The following TMEM176A variants were observed in gnomAD, a reference collection of about 807,000 sequenced individuals.
TMEM176A encodes the protein hepatocellular carcinoma-associated antigen 112.
TMEM176A carries 20 observed loss-of-function variants against 27.9 expected under a neutral mutation model. The observed-to-expected ratio is 0.72, with a 90% CI of 0.50 to 1.04. The LOEUF is 1.04. Among genes scored for constraint, TMEM176A ranks in the 50% least tolerant of loss-of-function variants. The pLI is 0.00. For missense variants in TMEM176A, 252 were observed against 289.1 expected (o/e 0.87, Z 0.93); for synonymous variants, 125 against 118.0 (o/e 1.06, Z -0.38).
chr7:150,801,479 T>C (rs1195710300), intron 1 of TMEM176A, 57 bp from the exon 2 acceptor site: 2 of 1,526,684 alleles, frequency 1.3e-6, no homozygotes, highest in South Asian at 1.3e-5. Flanking sequence ...CCAACTCCAA[T>C]GAAATCTGCG....
chr7:150,800,950 G>C, intron 1 of TMEM176A, 122 bp downstream of exon 1: 1 of 985,950 alleles, frequency 1.0e-6, no homozygotes, highest in Non-Finnish European at 1.2e-6. Context: ...TCCAGGAAGG[G>C]GACTGCAGAG....
In TMEM176A at chr7:150,803,802, C is replaced by T. The variant is rs1401698764; in HGVS notation, c.525C>T (p.His175=). ...GTCCAGAAGAAGTCAGAAGGCTACACCTATGTACCTCCTTCATGGACATGC... is the reference window on the plus strand; with the variant it reads ...GTCCAGAAGAAGTCAGAAGGCTACATCTATGTACCTCCTTCATGGACATGC... ...TQSPEEVRRL[H]LCTSFMDMLK... Residue 175 remains histidine (H), a synonymous_variant, in exon 5 of 7, where the codon CAC becomes CAT. Coordinates refer to ENST00000004103, the MANE Select transcript of TMEM176A (RefSeq NM_018487.3). 4 of 1,614,048 alleles carry T rather than the reference C, an allele frequency of 2.5e-6. No homozygotes were observed. The highest frequency in any genetic ancestry group is 1.6e-4 in the Middle Eastern group (1 of 6,072).
intron 2 of TMEM176A, 36 bp from the exon 3 acceptor site, chr7:150,802,179 C>A (rs12668797): frequency 0.44 from 705,598 of 1,591,064 alleles, 162,210 homozygotes; most frequent in Middle Eastern, 0.51. Context: ...GGCAGGTCCA[C>A]CTAGGAGCCG....
At position 150,804,907 on chromosome 7, in the gene TMEM176A, ACCGG is replaced by A; in HGVS notation, c.*40_*43del. On this transcript the variant is annotated 3_prime_UTR_variant, in exon 7 of 7. Transcript: ENST00000004103. ...GATTATTAGTGCCTGGTGCTTCTGCACCGGGCGTCCCTGCATCTGACTGCTGGAA... is the reference window on the plus strand; with the variant it reads ...GATTATTAGTGCCTGGTGCTTCTGCAGCGTCCCTGCATCTGACTGCTGGAA... 1 of 1,609,792 alleles carries A rather than the reference ACCGG, an allele frequency of 6.2e-7. No homozygotes were observed. The highest frequency in any genetic ancestry group is 1.3e-5 in the African/African-American group (1 of 74,950).
At chr7:150,804,613 C>T in intron 6 of TMEM176A, 141 bp downstream of exon 6, 1 of 894,824 alleles carries the variant, frequency 1.1e-6, no homozygotes. Context: ...TCTTTCTACC[C>T]AGTGGTGGCC....
rs749394608 is a variant in TMEM176A at position 150,804,372 on chromosome 7, G to C, written c.566G>C (p.Arg189Thr). The C allele has an allele frequency of 1.9e-6, 3 of 1,614,152 alleles. No individual in the cohort carries two copies. The highest frequency in any genetic ancestry group is 3.3e-5 in the Admixed American group (2 of 60,028). The part of the protein sequence containing the change: ...SFMDMLKALF[R>T]TLQAMLLGVW... ...GCCCTCTGTCCCCAGGCCTTGTTCA[G>C]AACCCTTCAGGCCATGCTCTTGGGT... Residue 189 changes from arginine (R) to threonine (T), a missense_variant, in exon 6 of 7, where the codon AGA becomes ACA. Arg to Thr is a moderately conservative substitution (Grantham distance 71, BLOSUM62 -1). Coordinates refer to ENST00000004103, the MANE Select transcript of TMEM176A (RefSeq NM_018487.3).
intron 1 of TMEM176A, 114 bp downstream of exon 1, chr7:150,800,942 C>T (rs905483836): frequency 2.3e-5 from 23 of 985,730 alleles, no homozygotes; most frequent in Non-Finnish European, 2.8e-5. Context: ...GATGACACTC[C>T]AGGAAGGGGA....
At chr7:150,803,892 G>A in intron 5 of TMEM176A, 60 bp downstream of exon 5, 2 of 1,530,094 alleles carry the variant, frequency 1.3e-6, no homozygotes, top group Non-Finnish European at 1.8e-6. Context: ...GGCCAGGCCA[G>A]GGGCAAGAGT....
rs759843218 is a variant in TMEM176A, at chr7:150,804,910, G to A, written c.*42G>A. On this transcript the variant is annotated 3_prime_UTR_variant, in exon 7 of 7. Coordinates refer to ENST00000004103, the MANE Select transcript of TMEM176A (RefSeq NM_018487.3). ...TATTAGTGCCTGGTGCTTCTGCACC[G>A]GGCGTCCCTGCATCTGACTGCTGGA... is the stretch of plus-strand genomic sequence containing the variant. The A allele has an allele frequency of 2.7e-5, 43 of 1,593,868 alleles. No individual in the cohort carries two copies. The highest frequency in any genetic ancestry group is 5.4e-5 in the African/African-American group (4 of 74,524).
chr7:150,801,513 C>G (rs1219296767), intron 1 of TMEM176A, 23 bp from the exon 2 acceptor site: 2 of 1,550,442 alleles, frequency 1.3e-6, no homozygotes, highest in African/African-American at 1.4e-5. Context: ...AGCCGTTCCT[C>G]TCTGGTGCTC....
rs1798791888 is a variant in TMEM176A, at chr7:150,801,644, C to T, written c.94C>T (p.Leu32Phe). ...HIHQESALAK[L>F]LLTCCSALRP... ...CCACCAGGAGTCTGCCCTGGCCAAG[C>T]TCCTGCTCACCTGCTGCTCTGCGCT... Residue 32 changes from leucine (L) to phenylalanine (F), a missense_variant, in exon 2 of 7, where the codon CTC becomes TTC. By Grantham distance (22) the Leu-to-Phe change is conservative. Coordinates refer to ENST00000004103, the MANE Select transcript of TMEM176A (RefSeq NM_018487.3). 1 of 1,613,366 alleles carries T rather than the reference C, an allele frequency of 6.2e-7. No homozygotes were observed. The highest frequency in any genetic ancestry group is 8.5e-7 in the Non-Finnish European group (1 of 1,179,902).
rs10378 is a variant in TMEM176A, at chr7:150,804,367, G to T, written c.561G>T (p.Leu187Phe). ...CTSFMDMLKA[L>F]FRTLQAMLLG... is the part of the protein sequence containing the mutation. ...CCTTGGCCCTCTGTCCCCAGGCCTTGTTCAGAACCCTTCAGGCCATGCTCT... is the reference window on the plus strand; with the variant it reads ...CCTTGGCCCTCTGTCCCCAGGCCTTTTTCAGAACCCTTCAGGCCATGCTCT... The change falls in exon 6 of 7, where the codon TTG becomes TTT. Residue 187 changes from leucine to phenylalanine, a missense_variant. Coordinates refer to ENST00000004103, the MANE Select transcript of TMEM176A (RefSeq NM_018487.3). 0.16 allele frequency: 264,415 copies of T among 1,612,662 alleles called. 22,932 individuals carry two copies. Among genetic ancestry groups the T allele is most frequent in the Middle Eastern group, 0.21 (1,302 of 6,056 alleles).
intron 5 of TMEM176A, 107 bp downstream of exon 5, chr7:150,803,939 C>A: frequency 1.9e-6 from 2 of 1,050,718 alleles, no homozygotes; most frequent in South Asian, 1.6e-5. Flanking sequence ...ACCTATTCTG[C>A]ACCAAGCTTG....
rs1127958 is a variant in TMEM176A, at chr7:150,801,721, G to C, written c.171G>C (p.Ser57=). Residue 57 remains serine (S), a synonymous_variant, in exon 2 of 7, where the codon TCG becomes TCC. Coordinates refer to ENST00000004103, the MANE Select transcript of TMEM176A (RefSeq NM_018487.3). ...GCAGCAGCCGGCTGCTGGTGGCCTC[G>C]TGGGTGAGTGTGACGGCCTGCCTCG... is the stretch of plus-strand genomic sequence containing the variant. ...ARGSSRLLVA[S]WVMQIVLGIL... The C allele has an allele frequency of 2.0e-6, 3 of 1,524,204 alleles. No individual in the cohort carries two copies. The highest frequency in any genetic ancestry group is 2.4e-5 in the East Asian group (1 of 42,158). The allele number at this position is 1,524,204 out of a possible 1,614,324, so 94.4% of individuals were successfully genotyped here.
Position 150,803,806 on chromosome 7 carries a change from T to C in TMEM176A, c.529T>C (p.Cys177Arg). 6.2e-7 allele frequency: 1 copy of C among 1,614,132 alleles called. No homozygotes were observed. Among genetic ancestry groups the C allele is most frequent in the South Asian group, 1.1e-5 (1 of 91,076 alleles). ...SPEEVRRLHL[C>R]TSFMDMLKAL... ...AGAAGAAGTCAGAAGGCTACACCTA[T>C]GTACCTCCTTCATGGACATGCTGAA... The change falls in exon 5 of 7, where the codon TGT becomes CGT. Residue 177 changes from cysteine to arginine, a missense_variant. Transcript: ENST00000004103.
intron 5 of TMEM176A, 62 bp from the exon 6 acceptor site, chr7:150,804,300 G>A: frequency 3.7e-6 from 5 of 1,360,000 alleles, no homozygotes; most frequent in Non-Finnish European, 5.3e-6. Context: ...TAAGGAGCAT[G>A]GGGACAGAGC....
Position 150,801,602 on chromosome 7 carries a change from C to A in TMEM176A, c.52C>A (p.His18Asn), listed in dbSNP as rs768103187. 3.1e-6 allele frequency: 5 copies of A among 1,613,594 alleles called. No homozygotes were observed. In the South Asian group the frequency reaches 5.5e-5, roughly 18 times the overall value. ...GGCCCCGGAGGCCCCACAGCACACC[C>A]ACATCGATGTGCACATCCACCAGGA... ...EMAPEAPQHTHIDVHIHQESA... is the reference protein window; with the variant it reads ...EMAPEAPQHTNIDVHIHQESA... The change falls in exon 2 of 7, where the codon CAC becomes AAC. Residue 18 changes from histidine (H) to asparagine (N), a missense_variant. His to Asn is a moderately conservative substitution (Grantham distance 68). Transcript: ENST00000004103.
In TMEM176A at chr7:150,803,618, A is replaced by G. The variant is rs113282911; in HGVS notation, c.343-2A>G. Reference sequence around the variant, plus strand: ...ATTTCTCTCTGCCTCCTCCCTCCCCAGGCCCTGCTGAGGACTCTGCTAACG... The same window carrying G: ...ATTTCTCTCTGCCTCCTCCCTCCCCGGGCCCTGCTGAGGACTCTGCTAACG... On this transcript the variant is annotated splice_acceptor_variant, in intron 4 of 6. Coordinates refer to ENST00000004103, the MANE Select transcript of TMEM176A (RefSeq NM_018487.3). LOFTEE classifies it high-confidence loss of function. 6.2e-7 allele frequency: 1 copy of G among 1,613,842 alleles called. No homozygotes were observed. The highest frequency in any genetic ancestry group is 2.2e-5 in the East Asian group (1 of 44,866).
Position 150,802,216 on chromosome 7 carries a change from T to C in TMEM176A, c.176T>C (p.Val59Ala). The C allele has an allele frequency of 6.2e-7, 1 of 1,613,944 alleles. No individual in the cohort carries two copies. Among genetic ancestry groups the C allele is most frequent in the East Asian group, 2.2e-5 (1 of 44,874 alleles). ...GSSRLLVASW[V>A]MQIVLGILSA... is the part of the protein sequence containing the mutation. ...GATCTTGGGTCCTTTGTCTTTCAGGTGATGCAGATCGTGCTGGGGATCTTG... is the reference window on the plus strand; with the variant it reads ...GATCTTGGGTCCTTTGTCTTTCAGGCGATGCAGATCGTGCTGGGGATCTTG... The change falls in exon 3 of 7, where the codon GTG becomes GCG. Residue 59 changes from valine (V) to alanine (A), a missense_variant and splice_region_variant. Coordinates refer to ENST00000004103, the MANE Select transcript of TMEM176A (RefSeq NM_018487.3).
Sources: gnomAD v4.1 joint callset for allele counts on GRCh38, gnomAD v4.1.1 for gene constraint, MANE v1.5 for transcripts, NCBI Gene and HGNC (gene_info 2026-07-23, HGNC 2026-07-21) for gene names.